ERN1: variants seen among roughly 807,000 people sequenced by gnomAD.
The protein encoded by ERN1 is serine/threonine-protein kinase/endoribonuclease IRE1.
In ERN1, 39 loss-of-function variants were observed where a neutral mutation model predicts 113.1. That is an observed-to-expected ratio of 0.34 (90% confidence interval 0.27 to 0.45). The LOEUF is 0.45. Among genes scored for constraint, ERN1 ranks in the 20% least tolerant of loss-of-function variants. The pLI is 1.00. For synonymous variants in ERN1, 507 were observed against 515.9 expected (o/e 0.98, Z 0.23); for missense variants, 976 against 1,274.8 (o/e 0.77, Z 3.57).
intron 3 of ERN1, 53 bp from the exon 4 acceptor site, chr17:64,079,787 C>A (rs1913711012): frequency 2.3e-5 from 34 of 1,461,858 alleles, no homozygotes; most frequent in Non-Finnish European, 3.0e-5. Flanking sequence ...GGGCATGGAA[C>A]AACATACCAA....
At chr17:64,120,664 C>T (rs922790992) in intron 1 of ERN1, among the ~76,000 whole-genome samples, 11 of 152,090 alleles carry the variant, frequency 7.2e-5, no homozygotes, top group Non-Finnish European at 1.2e-4. Flanking sequence ...CTGTTTACCT[C>T]ATGGAGTTTG....
intron 17 of ERN1, among the ~76,000 whole-genome samples, chr17:64,051,021 G>A (rs1912666781): frequency 6.6e-6 from 1 of 152,146 alleles, no homozygotes; most frequent in East Asian, 1.9e-4. Flanking sequence ...GCAAATGGAT[G>A]CAGAAGCCAG....
chr17:64,057,340 TAAAC>T (rs563320898), intron 12 of ERN1, among the ~76,000 whole-genome samples: 94 of 141,966 alleles, frequency 6.6e-4, no homozygotes, highest in African/African-American at 2.3e-3. Context: ...TTTTTGAAGA[TAAAC>T]AAACACTGAC....
chr17:64,045,223 C>T (rs1912473948), intron 20 of ERN1, 136 bp downstream of exon 20: 2 of 981,132 alleles, frequency 2.0e-6, no homozygotes, highest in South Asian at 3.1e-5. Context: ...ACAGAGGACA[C>T]ACCCAAGAAA....
intron 2 of ERN1, among the ~76,000 whole-genome samples, chr17:64,083,627 G>C (rs1913835943): frequency 6.6e-6 from 1 of 152,186 alleles, no homozygotes; most frequent in South Asian, 2.1e-4. Context: ...TAAAGGTAGA[G>C]GGAAAATATA....
chr17:64,114,641 C>T (rs895346288), intron 1 of ERN1, among the ~76,000 whole-genome samples: 2 of 151,924 alleles, frequency 1.3e-5, no homozygotes, highest in African/African-American at 4.8e-5. Context: ...TTTTACGTGT[C>T]TTATTTGTTA....
intron 6 of ERN1, among the ~76,000 whole-genome samples, chr17:64,070,694 C>G (rs191918758): frequency 6.6e-6 from 1 of 152,262 alleles, no homozygotes; most frequent in Non-Finnish European, 1.5e-5. Context: ...TCCTTGGCTG[C>G]CTGAAAGTTT....
At chr17:64,124,637 C>T (rs1915033790) in intron 1 of ERN1, among the ~76,000 whole-genome samples, 1 of 152,170 alleles carries the variant, frequency 6.6e-6, no homozygotes. Flanking sequence ...GTGAGGCCTC[C>T]CCAGCCACGT....
chr17:64,069,689 C>T (rs1437079208), intron 6 of ERN1, among the ~76,000 whole-genome samples: 1 of 152,178 alleles, frequency 6.6e-6, no homozygotes, highest in Non-Finnish European at 1.5e-5. Context: ...CTGCAGCTAT[C>T]CTGTCTCTGT....
chr17:64,103,952 C>T (rs1423489291), intron 1 of ERN1, among the ~76,000 whole-genome samples: 1 of 152,072 alleles, frequency 6.6e-6, no homozygotes, highest in Non-Finnish European at 1.5e-5. Context: ...AAAAAAACCA[C>T]AGCTTCCTGG....
intron 19 of ERN1, among the ~76,000 whole-genome samples, chr17:64,046,767 C>T (rs1452672971): frequency 6.6e-6 from 1 of 152,214 alleles, no homozygotes; most frequent in East Asian, 1.9e-4. Flanking sequence ...CAGTACGGTG[C>T]CCACCAAGCT....
At chr17:64,068,673 T>G (rs765641380) in intron 6 of ERN1, among the ~76,000 whole-genome samples, 13 of 152,128 alleles carry the variant, frequency 8.5e-5, no homozygotes, top group Non-Finnish European at 1.8e-4. Context: ...CTAAAACATG[T>G]GGCATTGACT....
chr17:64,043,793 T>C lies in ERN1; in HGVS notation c.*195A>G, dbSNP rs1467403696. 2.1e-5 allele frequency: 10 copies of C among 482,524 alleles called. No homozygotes were observed. Among genetic ancestry groups the C allele is most frequent in the Non-Finnish European group, 3.3e-5 (9 of 272,950 alleles). The allele number at this position is 482,524 out of a possible 1,614,324, so 29.9% of individuals were successfully genotyped here. A position where few individuals can be genotyped will look rare whatever the true frequency, so the allele number is the denominator to read the frequency against. ...TGGGGCCAGCATCTTCCCAGTTCCC[T>C]GTAGGTCACGAGGGGCCACTTCTCC... On this transcript the variant is annotated 3_prime_UTR_variant, in exon 22 of 22. Transcript: ENST00000433197.
intron 2 of ERN1, among the ~76,000 whole-genome samples, chr17:64,094,133 T>C (rs1914163959): frequency 6.6e-6 from 1 of 152,244 alleles, no homozygotes; most frequent in Admixed American, 6.5e-5. Flanking sequence ...ACAAATGTAC[T>C]TTTTCATAAT....
chr17:64,073,332 CAAATT>C (rs1913484679), intron 5 of ERN1, among the ~76,000 whole-genome samples: 1 of 64,096 alleles, frequency 1.6e-5, no homozygotes, highest in Admixed American at 1.7e-4. Context: ...CCACACCCAG[CAAATT>C]TTTTTTTTTT....
chr17:64,068,181 A>G lies in ERN1; in HGVS notation c.580+9T>C. ...CCCAAGCTTGTGAAATCCAGCAGAG[A>G]GCACTTACTGTAGTCCACGTCGTCC... On this transcript the variant is annotated intron_variant, in intron 7 of 21. Transcript: ENST00000433197. 2 of 1,593,430 alleles carry G rather than the reference A, an allele frequency of 1.3e-6. No individual in the cohort carries two copies. Among genetic ancestry groups the G allele is most frequent in the Non-Finnish European group, 1.7e-6 (2 of 1,166,528 alleles).
chr17:64,060,394 C>T, intron 11 of ERN1, 75 bp downstream of exon 11: 1 of 912,706 alleles, frequency 1.1e-6, no homozygotes, highest in Non-Finnish European at 1.8e-6. Flanking sequence ...GCTCAGAAGG[C>T]AGAGTCAAAG....
intron 11 of ERN1, 54 bp from the exon 12 acceptor site, chr17:64,058,047 T>C (rs1912934147): frequency 2.2e-6 from 3 of 1,349,322 alleles, no homozygotes; most frequent in East Asian, 2.5e-5. Context: ...CAGATACAGA[T>C]GAGGCCAGCA....
rs969236924 is a variant in ERN1, at chr17:64,039,942, A to T, written c.*4046T>A. 6.6e-6 allele frequency: 1 copy of T among 152,198 alleles called. No individual in the cohort carries two copies. The highest frequency in any genetic ancestry group is 1.5e-5 in the Non-Finnish European group (1 of 68,042). The allele number at this position is 152,198 out of a possible 1,614,324, so 9.4% of individuals were successfully genotyped here. A position where few individuals can be genotyped will look rare whatever the true frequency, so the allele number is the denominator to read the frequency against. ...TTTAAGCGCCGGTACAAAAAATCAGAACCAGAGTTACTCACGGGAAATCAC... is the reference window on the plus strand; with the variant it reads ...TTTAAGCGCCGGTACAAAAAATCAGTACCAGAGTTACTCACGGGAAATCAC... On this transcript the variant is annotated 3_prime_UTR_variant, in exon 22 of 22. Transcript: ENST00000433197.
Sources: allele counts gnomAD v4.1 joint callset (sites outside exome capture counted in the v4.1 genomes callset), GRCh38; gene constraint gnomAD v4.1.1; transcripts MANE v1.5; gene names NCBI Gene and HGNC (gene_info 2026-07-23, HGNC 2026-07-21).